Variants in ARHGAP10 observed in about 807,000 individuals in gnomAD.
The protein encoded by ARHGAP10 is rho GTPase-activating protein 10.
A neutral mutation model predicts 108.6 loss-of-function variants in ARHGAP10; 87 were observed. The ratio of observed to expected loss-of-function variants is 0.80; its 90% confidence interval spans 0.67 to 0.96. The LOEUF (loss-of-function observed/expected upper bound fraction) is 0.96, where lower values mean the gene tolerates loss of function less well. Among genes scored for constraint, ARHGAP10 ranks in the 40% least tolerant of loss-of-function variants. The probability of loss-of-function intolerance (pLI) is 0.00; values close to 1 mark genes in which losing one functional copy is unlikely to be tolerated. For missense variants in ARHGAP10, 939 were observed against 954.5 expected (o/e 0.98, Z 0.21); for synonymous variants, 347 against 341.1 (o/e 1.02, Z -0.19).
In ARHGAP10 at chr4:147,857,629, A is replaced by G; in HGVS notation, c.461A>G (p.Lys154Arg). 1 of 1,496,164 alleles carries G rather than the reference A, an allele frequency of 6.7e-7. No homozygotes were observed. The highest frequency in any genetic ancestry group is 8.9e-7 in the Non-Finnish European group (1 of 1,124,866). 92.7% of individuals were successfully genotyped at this position (1,496,164 alleles called of 1,614,324 possible). The change falls in exon 5 of 23, where the codon AAA becomes AGA. Residue 154 changes from lysine to arginine, a missense_variant. By Grantham distance (26) the Lys-to-Arg change is conservative. Transcript: ENST00000336498. ...LIDKHLNLSA[K>R]KKDSHLQEAD... is the part of the protein sequence containing the mutation. ...GATAAACATTTGAATTTATCAGCAA[A>G]AAAGAAAGACTCACATTTACAAGAG...
In ARHGAP10 at chr4:148,009,944, AAC is replaced by A. The variant is rs1319544339; in HGVS notation, c.1717-13317_1717-13316del. 7.9e-5 allele frequency among the ~76,000 whole-genome samples: 12 copies of A among 152,336 alleles called. No individual in the cohort carries two copies. In the South Asian group the frequency reaches 1.7e-3, roughly 21 times the overall value. The stretch of plus-strand genomic sequence containing the variant: ...CTCAGTTTCTGGTATCTGAATAAGG[AAC>A]AGTTCTGTTCCTTAGAGTGAATATA... On this transcript the variant is annotated intron_variant, in intron 18 of 22. Transcript: ENST00000336498.
chr4:147,796,864 T>A, intron 1 of ARHGAP10, among the ~76,000 whole-genome samples: 1 of 152,214 alleles, frequency 6.6e-6, no homozygotes, highest in East Asian at 1.9e-4. Flanking sequence ...GCCATAGTTA[T>A]AACATTCTAT....
At chr4:147,857,366 A>G (rs1734136000) in intron 4 of ARHGAP10, among the ~76,000 whole-genome samples, 187 bp from the exon 5 acceptor site, 2 of 152,232 alleles carry the variant, frequency 1.3e-5, no homozygotes, top group African/African-American at 4.8e-5. Flanking sequence ...TGTCTCTTCT[A>G]TCCTAATGCT....
intron 20 of ARHGAP10, among the ~76,000 whole-genome samples, chr4:148,049,662 G>C (rs1729037427): frequency 6.6e-6 from 1 of 151,886 alleles, no homozygotes; most frequent in South Asian, 2.1e-4. Flanking sequence ...TTATTATTTG[G>C]CGCTAAGAAA....
intron 1 of ARHGAP10, 61 bp downstream of exon 1, chr4:147,732,516 C>CT (rs1164737407): frequency 4.4e-6 from 7 of 1,596,212 alleles, no homozygotes; most frequent in Non-Finnish European, 6.0e-6. Context: ...GGGAGCCTCT[C>CT]TCGGCAGGAG....
At chr4:147,854,598 G>A in intron 4 of ARHGAP10, 1 of 581,610 alleles carries the variant, frequency 1.7e-6, no homozygotes, top group Non-Finnish European at 2.2e-6. Flanking sequence ...CTGTAATGCA[G>A]TATTGGGGGA....
At position 147,793,164 on chromosome 4, in the gene ARHGAP10, A is replaced by G. The variant is rs1252930956; in HGVS notation, c.155-29563A>G. ...AAAAAAAGAAAATGTGTGTGTATGT[A>G]TGTGTGTGTGTGTGTGCATATATGT... On this transcript the variant is annotated intron_variant, in intron 1 of 22. Coordinates refer to ENST00000336498, the MANE Select transcript of ARHGAP10 (RefSeq NM_024605.4). Among the ~76,000 whole-genome samples the G allele has an allele frequency of 7.6e-5, 11 of 144,336 alleles. 1 individual carries two copies. The South Asian group carries it at 8.5e-4, about 11-fold the overall frequency. 94.7% of individuals were successfully genotyped at this position (144,336 alleles called of 152,430 possible). A position where few individuals can be genotyped will look rare whatever the true frequency, so the allele number is the denominator to read the frequency against.
intron 19 of ARHGAP10, among the ~76,000 whole-genome samples, chr4:148,042,070 A>T (rs1728656250): frequency 6.6e-6 from 1 of 151,954 alleles, no homozygotes; most frequent in Non-Finnish European, 1.5e-5. Context: ...TGCCACGTGG[A>T]TTTTTTATTG....
At chr4:147,896,883 A>G (rs1315707641) in intron 10 of ARHGAP10, among the ~76,000 whole-genome samples, 2 of 152,142 alleles carry the variant, frequency 1.3e-5, no homozygotes, top group African/African-American at 4.8e-5. Context: ...AAAATTCCAA[A>G]TGGCTGGAGA....
At chr4:147,850,125 G>A (rs1053119045) in intron 4 of ARHGAP10, among the ~76,000 whole-genome samples, 2 of 152,242 alleles carry the variant, frequency 1.3e-5, no homozygotes, top group South Asian at 4.2e-4. Context: ...GCACCAATCA[G>A]CACTCTGTAA....
intron 1 of ARHGAP10, among the ~76,000 whole-genome samples, chr4:147,791,921 A>C (rs932154257): frequency 6.6e-6 from 1 of 152,186 alleles, no homozygotes; most frequent in Non-Finnish European, 1.5e-5. Context: ...GTTGTCAGAT[A>C]TTTTTGGAGT....
At chr4:148,012,998 T>G (rs1025057740) in intron 18 of ARHGAP10, among the ~76,000 whole-genome samples, 1 of 151,736 alleles carries the variant, frequency 6.6e-6, no homozygotes. Context: ...GAATATAATG[T>G]GTATTATCAC....
intron 1 of ARHGAP10, among the ~76,000 whole-genome samples, chr4:147,762,156 C>T (rs1336621416): frequency 1.3e-5 from 2 of 152,162 alleles, no homozygotes; most frequent in Admixed American, 6.5e-5. Context: ...CATAGGCATG[C>T]GCCACCATGC....
chr4:147,900,862 C>T (rs1340419299), intron 10 of ARHGAP10, among the ~76,000 whole-genome samples: 5 of 152,150 alleles, frequency 3.3e-5, no homozygotes, highest in African/African-American at 1.2e-4. Flanking sequence ...GAGACAGGTT[C>T]TTGTTATTTT....
intron 18 of ARHGAP10, among the ~76,000 whole-genome samples, chr4:147,984,234 A>C (rs1035695063): frequency 6.6e-5 from 10 of 152,222 alleles, no homozygotes; most frequent in Admixed American, 2.6e-4. Flanking sequence ...ACAGAGAAGC[A>C]TGAAAAGCGC....
In ARHGAP10 at chr4:148,072,227, T is replaced by TGG; in HGVS notation, c.*151_*152dup. 1 of 339,662 alleles carries TGG rather than the reference T, an allele frequency of 2.9e-6. No individual in the cohort carries two copies. Among genetic ancestry groups the TGG allele is most frequent in the Non-Finnish European group, 5.5e-6 (1 of 180,354 alleles). 21.0% of individuals were successfully genotyped at this position (339,662 alleles called of 1,614,324 possible). On this transcript the variant is annotated 3_prime_UTR_variant, in exon 23 of 23. Transcript: ENST00000336498. ...CCATCATCACAGTCAGCCCTGGGGG[T>TGG]GGGGGGTGGTGGGCAGGGATGGGAC...
At chr4:148,064,213 A>G (rs1729756213) in intron 21 of ARHGAP10, among the ~76,000 whole-genome samples, 1 of 152,166 alleles carries the variant, frequency 6.6e-6, no homozygotes, top group African/African-American at 2.4e-5. Flanking sequence ...CCCTGAGGAA[A>G]GGCTTGAATT....
rs1579171363 is a variant in ARHGAP10 at position 147,895,702 on chromosome 4, C to T, written c.1035-10936C>T. ...CCCTGTCTCAAAAAAAAAAAAAAGA[C>T]AGCTTTATTTCTTCCTTTCCAATCT... is the stretch of plus-strand genomic sequence containing the variant. On this transcript the variant is annotated intron_variant, in intron 10 of 22. Transcript: ENST00000336498. 3.3e-5 allele frequency among the ~76,000 whole-genome samples: 5 copies of T among 150,636 alleles called. No homozygotes were observed. The East Asian group carries it at 9.8e-4, about 29-fold the overall frequency.
intron 13 of ARHGAP10, among the ~76,000 whole-genome samples, chr4:147,938,144 A>G (rs1738026132): frequency 6.6e-6 from 1 of 152,098 alleles, no homozygotes; most frequent in Non-Finnish European, 1.5e-5. Flanking sequence ...TCTCACTTAT[A>G]AGTGGGAGCT....
Sources: gnomAD v4.1 joint callset for allele counts (sites outside exome capture counted in the v4.1 genomes callset) on GRCh38, gnomAD v4.1.1 for gene constraint, MANE v1.5 for transcripts, NCBI Gene and HGNC (gene_info 2026-07-23, HGNC 2026-07-21) for gene names.